Variants in CACNA1A observed in about 807,000 individuals in gnomAD.
CACNA1A encodes the protein calcium voltage-gated channel subunit alpha1 A, also known as voltage-dependent P/Q-type calcium channel subunit alpha-1A.
In CACNA1A, 57 loss-of-function variants were observed where a neutral mutation model predicts 262.4. The observed-to-expected ratio is 0.22, with a 90% confidence interval of 0.18 to 0.27. The LOEUF (loss-of-function observed/expected upper bound fraction) is 0.27, where lower values mean the gene tolerates loss of function less well. CACNA1A is among the 10% of genes least tolerant of loss of function. The pLI is 1.00. For missense variants in CACNA1A, 2,526 were observed against 3,562.8 expected, an observed-to-expected ratio of 0.71 and a Z score of 7.41; for synonymous variants, 1,431 against 1,419.3, an observed-to-expected ratio of 1.01 and a Z score of -0.18.
At chr19:13,416,997 C>T (rs185668721) in intron 3 of CACNA1A, among the ~76,000 whole-genome samples, 52 of 152,192 alleles carry the variant, frequency 3.4e-4, no homozygotes, top group Admixed American at 2.7e-3. Flanking sequence ...TATCCAAATA[C>T]GTGCAATTGG....
intron 3 of CACNA1A, among the ~76,000 whole-genome samples, chr19:13,406,746 A>G (rs970271406): frequency 6.6e-6 from 1 of 151,312 alleles, no homozygotes; most frequent in Non-Finnish European, 1.5e-5. Context: ...ATTCTGGGCC[A>G]TCACCCTTCA....
intron 1 of CACNA1A, among the ~76,000 whole-genome samples, chr19:13,475,938 G>C (rs1203601274): frequency 1.3e-5 from 2 of 152,178 alleles, no homozygotes; most frequent in East Asian, 1.9e-4. Context: ...TTTTCAGGGA[G>C]AGGCAAACAG....
chr19:13,214,188 C>T lies in CACNA1A; in HGVS notation c.5940+45G>A. On this transcript the variant is annotated intron_variant, in intron 40 of 46. Coordinates refer to ENST00000360228, the MANE Select transcript of CACNA1A (RefSeq NM_001127222.2). This position sits in a 1 kb window ranked among gnomAD's most constrained non-coding sequence, Gnocchi z 4.1. ...GTTGGTTCCCGTGGTGACATGCAAG[C>T]CACTGTCCCCAGCCCAGATGTCCCC... The T allele has an allele frequency of 6.7e-7, 1 of 1,488,836 alleles. No homozygotes were observed. The highest frequency in any genetic ancestry group is 9.2e-7 in the Non-Finnish European group (1 of 1,088,952). The allele number at this position is 1,488,836 out of a possible 1,614,324, so 92.2% of individuals were successfully genotyped here.
In CACNA1A at chr19:13,504,552, G is replaced by A. The variant is rs142195730; in HGVS notation, c.293+1380C>T. Among the ~76,000 whole-genome samples, 306 of 151,980 alleles carry A rather than the reference G, an allele frequency of 2.0e-3. 3 individuals carry two copies. Among genetic ancestry groups the A allele is most frequent in the African/African-American group, 6.8e-3 (282 of 41,420 alleles). Reference sequence around the variant, plus strand: ...CCATGCTCCTCAAACAGCAACCCCCGGAGACCACACAGGGCCCAGCCCCGT... The same window carrying A: ...CCATGCTCCTCAAACAGCAACCCCCAGAGACCACACAGGGCCCAGCCCCGT... On this transcript the variant is annotated intron_variant, in intron 1 of 46. Coordinates refer to ENST00000360228, the MANE Select transcript of CACNA1A (RefSeq NM_001127222.2).
chr19:13,388,498 C>T (rs548755916), intron 3 of CACNA1A, among the ~76,000 whole-genome samples: 1 of 152,120 alleles, frequency 6.6e-6, no homozygotes, highest in Non-Finnish European at 1.5e-5. Flanking sequence ...TTAAGTGATC[C>T]ACCTGCCTCG....
chr19:13,405,054 C>A (rs569007956), intron 3 of CACNA1A, among the ~76,000 whole-genome samples: 2 of 151,866 alleles, frequency 1.3e-5, no homozygotes, highest in Non-Finnish European at 2.9e-5. Flanking sequence ...CCCGCCACCA[C>A]ACCCGGCTAA....
rs1456534555 is a variant in CACNA1A at position 13,456,542 on chromosome 19, C to T, written c.294-1330G>A. ...ACAAAAAATTAGCCGGGCGTGGTAG[C>T]GGGCATCTGTAGTCCCAGCTACTCG... is the stretch of plus-strand genomic sequence containing the variant. On this transcript the variant is annotated intron_variant, in intron 1 of 46. Coordinates refer to ENST00000360228, the MANE Select transcript of CACNA1A (RefSeq NM_001127222.2). 6.6e-5 allele frequency among the ~76,000 whole-genome samples: 10 copies of T among 151,912 alleles called. No individual in the cohort carries two copies. In the South Asian group the frequency reaches 8.3e-4, roughly 13 times the overall value.
intron 3 of CACNA1A, among the ~76,000 whole-genome samples, chr19:13,386,762 C>T (rs1166986825): frequency 1.3e-5 from 2 of 152,018 alleles, no homozygotes; most frequent in African/African-American, 2.4e-5. Context: ...CACTGCACTC[C>T]AGCCTGGGCG....
chr19:13,401,437 A>G (rs57339730), intron 3 of CACNA1A, among the ~76,000 whole-genome samples: 1 of 152,254 alleles, frequency 6.6e-6, no homozygotes, highest in South Asian at 2.1e-4. Context: ...TGCCTGATAC[A>G]TAGTTGAGGC....
intron 1 of CACNA1A, among the ~76,000 whole-genome samples, chr19:13,503,003 C>T (rs1302644745): frequency 2.0e-5 from 3 of 152,128 alleles, no homozygotes; most frequent in Non-Finnish European, 4.4e-5. Flanking sequence ...ACACATCCCA[C>T]AACACATGCA....
chr19:13,366,999 T>C (rs1166013682), intron 4 of CACNA1A, among the ~76,000 whole-genome samples: 1 of 151,710 alleles, frequency 6.6e-6, no homozygotes, highest in Non-Finnish European at 1.5e-5. Flanking sequence ...GCATGAGAAA[T>C]GGCAGAACTA....
intron 1 of CACNA1A, among the ~76,000 whole-genome samples, chr19:13,458,417 C>T (rs2419718): frequency 0.12 from 18,904 of 151,868 alleles, 1,567 homozygotes; most frequent in East Asian, 0.25. Flanking sequence ...TCCCAAAGTG[C>T]GGGGATTACA....
At chr19:13,330,548 C>T (rs985344443) in intron 9 of CACNA1A, among the ~76,000 whole-genome samples, 2 of 152,078 alleles carry the variant, frequency 1.3e-5, no homozygotes, top group African/African-American at 2.4e-5. Context: ...GGGTTCAGTC[C>T]GACTCCAGGT....
intron 1 of CACNA1A, among the ~76,000 whole-genome samples, chr19:13,497,920 T>C (rs1268080151): frequency 6.6e-6 from 1 of 151,838 alleles, no homozygotes; most frequent in Non-Finnish European, 1.5e-5. Flanking sequence ...GAGCTGAGAT[T>C]TGCAGCCAGG....
intron 3 of CACNA1A, among the ~76,000 whole-genome samples, chr19:13,440,003 G>C (rs2060687097): frequency 6.6e-6 from 1 of 152,084 alleles, no homozygotes; most frequent in Non-Finnish European, 1.5e-5. Flanking sequence ...TGCCCAGGCT[G>C]GGCTGGAGTG....
intron 3 of CACNA1A, among the ~76,000 whole-genome samples, chr19:13,413,915 G>GAAAGAAAGAAAGAAAGAAAGAAA (rs2060173723): frequency 1.0e-4 from 10 of 95,928 alleles, no homozygotes; most frequent in African/African-American, 3.5e-4. Flanking sequence ...AAGAAAGAAA[G>GAAAGAAAGAAAGAAAGAAAGAAA]AAAGAAAGAA....
At chr19:13,380,503 T>TG (rs1399764180) in intron 3 of CACNA1A, among the ~76,000 whole-genome samples, 1 of 150,310 alleles carries the variant, frequency 6.7e-6, no homozygotes, top group African/African-American at 2.4e-5. Flanking sequence ...AAAAATTAGC[T>TG]GGGCGTGGCG....
chr19:13,464,623 A>G (rs2061190089), intron 1 of CACNA1A, among the ~76,000 whole-genome samples: 1 of 143,252 alleles, frequency 7.0e-6, no homozygotes. Context: ...ATCTCGGCTC[A>G]CTGCAAGCTC....
intron 10 of CACNA1A, among the ~76,000 whole-genome samples, chr19:13,324,143 C>CA (rs2058307960): frequency 6.6e-6 from 1 of 152,018 alleles, no homozygotes; most frequent in Non-Finnish European, 1.5e-5. Flanking sequence ...CACAGAAAGA[C>CA]AATTACAGTA....
Sources: gnomAD v4.1 joint callset for allele counts (sites outside exome capture counted in the v4.1 genomes callset) on GRCh38, gnomAD v4.1.1 for gene constraint, Gnocchi (gnomAD v3.1) non-coding constraint, MANE v1.5 for transcripts, NCBI Gene and HGNC (gene_info 2026-07-23, HGNC 2026-07-21) for gene names.